SLC9A1: variants seen among roughly 807,000 people sequenced by gnomAD.
SLC9A1 encodes the protein solute carrier family 9 member A1, also known as sodium/hydrogen exchanger 1.
A neutral mutation model predicts 67.9 loss-of-function variants in SLC9A1; 22 were observed. That is an observed-to-expected ratio of 0.32 (90% confidence interval 0.23 to 0.46). SLC9A1 has a LOEUF of 0.46. Among genes scored for constraint, SLC9A1 ranks in the 20% least tolerant of loss-of-function variants. The pLI, the probability that SLC9A1 is intolerant of heterozygous loss-of-function variation, is 1.00. For missense variants in SLC9A1, 686 were observed against 1,094.8 expected (o/e 0.63, Z 5.27); for synonymous variants, 421 against 471.8 (o/e 0.89, Z 1.40).
At position 27,100,810 on chromosome 1, in the gene SLC9A1, C is replaced by T. The variant is rs2083137537; in HGVS notation, c.2111-166G>A. On this transcript the variant is annotated intron_variant, in intron 11 of 11. Transcript: ENST00000263980. This position sits in a 1 kb window ranked among gnomAD's most constrained non-coding sequence, Gnocchi z 5.6. ...TCTGCGACCTTCCACCCCACAGCTT[C>T]TCTTCCTCAGACTGTGGCCCTCTCC... Among the ~76,000 whole-genome samples, 1 of 152,272 alleles carries T rather than the reference C, an allele frequency of 6.6e-6. No individual in the cohort carries two copies. The highest frequency in any genetic ancestry group is 1.5e-5 in the Non-Finnish European group (1 of 68,038).
intron 1 of SLC9A1, among the ~76,000 whole-genome samples, chr1:27,127,113 AC>A (rs2083350375): frequency 6.6e-6 from 1 of 151,972 alleles, no homozygotes. Context: ...TGATTCTCTC[AC>A]CTCAGCCCCC....
In SLC9A1 at chr1:27,102,094, G is replaced by A; in HGVS notation, c.1857C>T (p.Ile619=). 1.9e-6 allele frequency: 3 copies of A among 1,614,086 alleles called. No homozygotes were observed. The highest frequency in any genetic ancestry group is 1.7e-6 in the Non-Finnish European group (2 of 1,179,998). The change falls in exon 9 of 12, where the codon ATC becomes ATT. Residue 619 remains isoleucine, a synonymous_variant. Transcript: ENST00000263980. ...IHPKSLPSER[I]LPALSKDKEE... is the part of the protein sequence containing the mutation. ...CCTTGTCCTTGGACAGTGCTGGCAG[G>A]ATGCGCTCGGAAGGCAGGGACTTGG... is the stretch of plus-strand genomic sequence containing the variant.
chr1:27,147,102 T>C (rs1348529911), intron 1 of SLC9A1, among the ~76,000 whole-genome samples: 1 of 148,868 alleles, frequency 6.7e-6, no homozygotes, highest in Non-Finnish European at 1.5e-5. Flanking sequence ...TGAAACCCTG[T>C]CTCTACTAAA....
rs146731935 is a variant in SLC9A1, at chr1:27,105,978, A to G, written c.1392T>C (p.Ser464=). ...YGGLRGAIAF[S]LGYLLDKKHF... ...GCTTCTTGTCCAGGAGGTAGCCCAGAGAGAAGGCGATGGCCCCTCGCAGGC... is the reference window on the plus strand; with the variant it reads ...GCTTCTTGTCCAGGAGGTAGCCCAGGGAGAAGGCGATGGCCCCTCGCAGGC... Residue 464 remains serine, a synonymous_variant, in exon 5 of 12, where the codon TCT becomes TCC. Coordinates refer to ENST00000263980, the MANE Select transcript of SLC9A1 (RefSeq NM_003047.5). 5 of 1,613,708 alleles carry G rather than the reference A, an allele frequency of 3.1e-6. No homozygotes were observed. The South Asian group carries it at 4.4e-5, about 14-fold the overall frequency.
At chr1:27,139,795 T>C (rs1347537687) in intron 1 of SLC9A1, among the ~76,000 whole-genome samples, 3 of 151,594 alleles carry the variant, frequency 2.0e-5, no homozygotes, top group Admixed American at 6.6e-5. Flanking sequence ...AGCACACTCA[T>C]TGTTTTTTTT....
Position 27,131,939 on chromosome 1 carries a change from A to AAG in SLC9A1, c.353-17654_353-17653insCT, listed in dbSNP as rs1320660355. Among the ~76,000 whole-genome samples the AAG allele has an allele frequency of 1.7e-3, 34 of 20,318 alleles. 2 individuals carry two copies. Among genetic ancestry groups the AAG allele is most frequent in the African/African-American group, 2.3e-3 (12 of 5,162 alleles). 13.3% of individuals were successfully genotyped at this position (20,318 alleles called of 152,430 possible). A position where few individuals can be genotyped will look rare whatever the true frequency, so the allele number is the denominator to read the frequency against. Reference sequence around the variant, plus strand: ...CCGTCTCAAAAAGAAGAAGAAGAAGAAAAAAAAAATATATATATATATATA... The same window carrying AAG: ...CCGTCTCAAAAAGAAGAAGAAGAAGAAGAAAAAAAAATATATATATATATATA... On this transcript the variant is annotated intron_variant, in intron 1 of 11. Coordinates refer to ENST00000263980, the MANE Select transcript of SLC9A1 (RefSeq NM_003047.5).
Position 27,101,874 on chromosome 1 carries a change from C to A in SLC9A1, c.1936-48G>T. ...GCAGTGCGGGCCCCGGAAGGCTCTG[C>A]TCATGGAGGGGTGGGGGCAGTGCTG... is the stretch of plus-strand genomic sequence containing the variant. On this transcript the variant is annotated intron_variant, in intron 9 of 11. Coordinates refer to ENST00000263980, the MANE Select transcript of SLC9A1 (RefSeq NM_003047.5). This position sits in a 1 kb window ranked among gnomAD's most constrained non-coding sequence, Gnocchi z 4.9. The A allele has an allele frequency of 3.3e-6, 5 of 1,507,722 alleles. No homozygotes were observed. Among genetic ancestry groups the A allele is most frequent in the Non-Finnish European group, 4.6e-6 (5 of 1,087,318 alleles). The allele number at this position is 1,507,722 out of a possible 1,614,324, so 93.4% of individuals were successfully genotyped here.
rs2083181387 is a variant in SLC9A1, at chr1:27,105,900, G to A, written c.1470C>T (p.Phe490=). ...FLTAIITVIF[F]TVFVQGMTIR... The stretch of plus-strand genomic sequence containing the variant: ...GGCCCAGCACCTGCACAAAGACGGT[G>A]AAGAAGATGACAGTGATGATGGCAG... The change falls in exon 5 of 12, where the codon TTC becomes TTT. Residue 490 remains phenylalanine (F), a synonymous_variant. Transcript: ENST00000263980. 1 of 1,613,310 alleles carries A rather than the reference G, an allele frequency of 6.2e-7. No homozygotes were observed. Among genetic ancestry groups the A allele is most frequent in the South Asian group, 1.1e-5 (1 of 91,090 alleles).
intron 1 of SLC9A1, among the ~76,000 whole-genome samples, chr1:27,129,545 T>C (rs542258504): frequency 1.4e-4 from 21 of 152,284 alleles, no homozygotes; most frequent in Non-Finnish European, 1.5e-5. Context: ...AGCTCTCTCC[T>C]GTGGGAGAAG....
rs765710940 is a variant in SLC9A1, at chr1:27,101,633, T to G, written c.2037+92A>C. ...TAAAAGCCCCTCGAAAGCCAAACCC[T>G]GTTCCTAGAATGGGTACATTTCCTT... On this transcript the variant is annotated intron_variant, in intron 10 of 11. Coordinates refer to ENST00000263980, the MANE Select transcript of SLC9A1 (RefSeq NM_003047.5). This position sits in a 1 kb window ranked among gnomAD's most constrained non-coding sequence, Gnocchi z 4.9. 1.8e-4 allele frequency: 167 copies of G among 932,122 alleles called. 1 individual carries two copies. The highest frequency in any genetic ancestry group is 2.5e-4 in the Non-Finnish European group (146 of 590,454). 57.7% of individuals were successfully genotyped at this position (932,122 alleles called of 1,614,324 possible).
At chr1:27,153,138 C>T (rs2083541128) in intron 1 of SLC9A1, among the ~76,000 whole-genome samples, 1 of 152,080 alleles carries the variant, frequency 6.6e-6, no homozygotes, top group African/African-American at 2.4e-5. Flanking sequence ...TTCAAAGTCT[C>T]TTCAGGCCTG....
chr1:27,125,506 A>C (rs888404861), intron 1 of SLC9A1, among the ~76,000 whole-genome samples: 1 of 152,006 alleles, frequency 6.6e-6, no homozygotes, highest in African/African-American at 2.4e-5. Flanking sequence ...GTGGCCTCCC[A>C]AAGTGTTGAG....
rs1015580753 is a variant in SLC9A1 at position 27,103,160 on chromosome 1, C to T, written c.1575+63G>A. 292 of 1,221,680 alleles carry T rather than the reference C, an allele frequency of 2.4e-4. 3 individuals are homozygous for T. The Admixed American group carries it at 4.9e-3, about 21-fold the overall frequency. 75.7% of individuals were successfully genotyped at this position (1,221,680 alleles called of 1,614,324 possible). A position where few individuals can be genotyped will look rare whatever the true frequency, so the allele number is the denominator to read the frequency against. On this transcript the variant is annotated intron_variant, in intron 6 of 11. Transcript: ENST00000263980. ...TGATGGGGGGCAGAGACTTGAGGCC[C>T]AGCTGCTCCCTATCTCCCTGTTCCT...
chr1:27,106,282 ACTTCCCCAAC>A lies in SLC9A1; in HGVS notation c.1283-205_1283-196del, dbSNP rs745505822. Among the ~76,000 whole-genome samples the A allele has an allele frequency of 3.9e-5, 6 of 152,040 alleles. No homozygotes were observed. The highest frequency in any genetic ancestry group is 7.2e-5 in the African/African-American group (3 of 41,386). On this transcript the variant is annotated intron_variant, in intron 4 of 11. Transcript: ENST00000263980. The surrounding 1 kb of genome is among the most constrained non-coding windows in gnomAD (Gnocchi z 4.3). ...CAAGAGCTGGGTGGATCCTTAAAGG[ACTTCCCCAAC>A]CTGGATGTGCTTTAGAGACATCATG...
At chr1:27,151,464 G>A (rs764528875) in intron 1 of SLC9A1, among the ~76,000 whole-genome samples, 1 of 152,042 alleles carries the variant, frequency 6.6e-6, no homozygotes, top group African/African-American at 2.4e-5. Context: ...GGGTTCAAGC[G>A]ATCCTCCTGC....
rs543723539 is a variant in SLC9A1 at position 27,152,779 on chromosome 1, G to A, written c.352+1204C>T. Reference sequence around the variant, plus strand: ...AAATTAGAGGCACCACTTCCCTCCCGCTGCATGTCCCAGAGCCTGCCTCAC... The same window carrying A: ...AAATTAGAGGCACCACTTCCCTCCCACTGCATGTCCCAGAGCCTGCCTCAC... On this transcript the variant is annotated intron_variant, in intron 1 of 11. Coordinates refer to ENST00000263980, the MANE Select transcript of SLC9A1 (RefSeq NM_003047.5). 5.9e-5 allele frequency among the ~76,000 whole-genome samples: 9 copies of A among 152,168 alleles called. No homozygotes were observed. The South Asian group carries it at 1.7e-3, about 28-fold the overall frequency.
At chr1:27,119,511 A>G (rs947764350) in intron 1 of SLC9A1, among the ~76,000 whole-genome samples, 1 of 152,202 alleles carries the variant, frequency 6.6e-6, no homozygotes, top group Non-Finnish European at 1.5e-5. Flanking sequence ...TGCCCCAGCA[A>G]CCAGTCTCAA....
In SLC9A1 at chr1:27,137,884, T is replaced by C. The variant is rs114872089; in HGVS notation, c.352+16099A>G. 5.9e-3 allele frequency among the ~76,000 whole-genome samples: 906 copies of C among 152,292 alleles called. 5 individuals are homozygous for C. Among genetic ancestry groups the C allele is most frequent in the African/African-American group, 0.017 (697 of 41,572 alleles). On this transcript the variant is annotated intron_variant, in intron 1 of 11. Coordinates refer to ENST00000263980, the MANE Select transcript of SLC9A1 (RefSeq NM_003047.5). This position sits in a 1 kb window ranked among gnomAD's most constrained non-coding sequence, Gnocchi z 4.6. ...CCACGCCCACTCTGCTCCAGCGTCCTGCTCGCCCCTCCCTGCTAGCAGCTC... is the reference window on the plus strand; with the variant it reads ...CCACGCCCACTCTGCTCCAGCGTCCCGCTCGCCCCTCCCTGCTAGCAGCTC...
At position 27,101,214 on chromosome 1, in the gene SLC9A1, C is replaced by A. The variant is rs771637718; in HGVS notation, c.2099G>T (p.Arg700Leu). 4 of 1,610,762 alleles carry A rather than the reference C, an allele frequency of 2.5e-6. No homozygotes were observed. Among genetic ancestry groups the A allele is most frequent in the South Asian group, 2.2e-5 (2 of 91,058 alleles). The change falls in exon 11 of 12, where the codon CGC becomes CTC. Residue 700 changes from arginine (R) to leucine (L), a missense_variant. This residue lies in a region of SLC9A1 where 226 missense variants were observed against 282.4 expected (regional missense o/e 0.80). Coordinates refer to ENST00000263980, the MANE Select transcript of SLC9A1 (RefSeq NM_003047.5). This position sits in a 1 kb window ranked among gnomAD's most constrained non-coding sequence, Gnocchi z 4.9. Reference protein sequence around the residue: ...KLDSPTMSRARIGSDPLAYEP... With the variant: ...KLDSPTMSRALIGSDPLAYEP... ...CGCCAGGCCCTTACCTGAGCCGATG[C>A]GGGCCCGAGACATGGTGGGTGAGTC...
Sources: allele counts gnomAD v4.1 joint callset (sites outside exome capture counted in the v4.1 genomes callset), GRCh38; gene constraint gnomAD v4.1.1; regional missense constraint gnomAD v4.1.1; non-coding constraint Gnocchi (gnomAD v3.1); transcripts MANE v1.5; gene names NCBI Gene and HGNC (gene_info 2026-07-23, HGNC 2026-07-21).